The following CA5B variants were observed in gnomAD, a reference collection of about 807,000 sequenced individuals.
CA5B encodes carbonic anhydrase 5B.
In CA5B, 15 loss-of-function variants were observed where a neutral mutation model predicts 23.1. The observed-to-expected ratio is 0.65, with a 90% CI of 0.43 to 1.00. CA5B has a LOEUF of 1.00. CA5B is among the 50% of genes least tolerant of loss of function. The pLI is 0.00. For missense variants in CA5B, 236 were observed against 252.2 expected (o/e 0.94, Z 0.43); for synonymous variants, 84 against 98.5 (o/e 0.85, Z 0.87).
intron 2 of CA5B, among the ~76,000 whole-genome samples, chrX:15,761,974 A>G (rs973930566): frequency 8.9e-6 from 1 of 112,170 alleles, no homozygotes; most frequent in Non-Finnish European, 1.9e-5. Context: ...TGAGGTTAAG[A>G]TACTGACTTA....
intron 1 of CA5B, among the ~76,000 whole-genome samples, chrX:15,739,277 G>T (rs1931071705): frequency 9.0e-6 from 1 of 111,661 alleles, no homozygotes; most frequent in Non-Finnish European, 1.9e-5. Flanking sequence ...TCACTCTGCT[G>T]TTTAAAAGTC....
intron 1 of CA5B, among the ~76,000 whole-genome samples, chrX:15,740,165 T>C (rs1196782384): frequency 1.8e-5 from 2 of 111,788 alleles, no homozygotes; most frequent in Admixed American, 1.9e-4. Context: ...TATACATAAA[T>C]CATCAGTGAT....
chrX:15,746,061 G>A (rs1051026998), intron 1 of CA5B, among the ~76,000 whole-genome samples: 1 of 35,523 alleles, frequency 2.8e-5, no homozygotes, highest in African/African-American at 6.6e-5. Flanking sequence ...ACGGAGTCTC[G>A]CTCTGTCACT....
chrX:15,754,806 C>T (rs1204939172), intron 2 of CA5B, among the ~76,000 whole-genome samples: 1 of 112,106 alleles, frequency 8.9e-6, no homozygotes, highest in African/African-American at 3.2e-5. Context: ...TGTTGATGAT[C>T]TCCGTACTTG....
At position 15,750,222 on chromosome X, in the gene CA5B, T is replaced by G. The variant is rs778982825; in HGVS notation, c.142+57T>G. 5.0e-5 allele frequency: 46 copies of G among 926,742 alleles called. No homozygotes were observed. In the South Asian group the frequency reaches 1.1e-3, roughly 21 times the overall value. 76.4% of individuals were successfully genotyped at this position (926,742 alleles called of 1,213,427 possible). A position where few individuals can be genotyped will look rare whatever the true frequency, so the allele number is the denominator to read the frequency against. On this transcript the variant is annotated intron_variant, in intron 2 of 7. Coordinates refer to ENST00000318636, the MANE Select transcript of CA5B (RefSeq NM_007220.4). ...AAGGGCTCCAGCCTGAGTGACAGAG[T>G]GAAATCTCATCTCTTAGAAAAAAAG... is the stretch of plus-strand genomic sequence containing the variant.
At chrX:15,759,528 G>A (rs1380117884) in intron 2 of CA5B, among the ~76,000 whole-genome samples, 4 of 111,028 alleles carry the variant, frequency 3.6e-5, no homozygotes, top group Admixed American at 9.6e-5. Flanking sequence ...CCAGACTCCA[G>A]AACTGTGAGA....
At chrX:15,780,091 A>G (rs772350244) in intron 7 of CA5B, among the ~76,000 whole-genome samples, 1 of 111,501 alleles carries the variant, frequency 9.0e-6, no homozygotes, top group East Asian at 2.8e-4. Context: ...CTATAATATT[A>G]TCCTAGTTGC....
chrX:15,752,523 A>G, intron 2 of CA5B, among the ~76,000 whole-genome samples: 1 of 101,367 alleles, frequency 9.9e-6, no homozygotes, highest in East Asian at 3.7e-4. Context: ...CAGGAGATCA[A>G]GACTATCCTG....
intron 7 of CA5B, 55 bp from the exon 8 acceptor site, chrX:15,782,430 G>T (rs1375578963): frequency 3.6e-5 from 37 of 1,028,456 alleles, no homozygotes; most frequent in Non-Finnish European, 4.7e-5. Flanking sequence ...ATTTATTCAC[G>T]AGGTAAAGCG....
chrX:15,776,770 A>G lies in CA5B; in HGVS notation c.675A>G (p.Pro225=). Residue 225 remains proline (P), a synonymous_variant, in exon 7 of 8, where the codon CCA becomes CCG. Transcript: ENST00000318636. ...CTTCCTGCCTGATGCCTACCTGCCC[A>G]GATTACTGGACCTACTCAGGGTCTC... ...FDPSCLMPTC[P]DYWTYSGSLT... is the part of the protein sequence containing the mutation. The G allele has an allele frequency of 2.5e-6, 3 of 1,207,399 alleles. No homozygotes were observed. The highest frequency in any genetic ancestry group is 4.6e-4 in the Middle Eastern group (2 of 4,324).
chrX:15,759,267 A>G (rs1198689228), intron 2 of CA5B, among the ~76,000 whole-genome samples: 1 of 111,956 alleles, frequency 8.9e-6, no homozygotes, highest in Non-Finnish European at 1.9e-5. Flanking sequence ...CTGAATGTTC[A>G]TGACCCCCTA....
rs191865386 is a variant in CA5B at position 15,750,354 on chromosome X, G to T, written c.142+189G>T. 1,725 of 393,036 alleles carry T rather than the reference G, an allele frequency of 4.4e-3. 10 individuals are homozygous for T. Among genetic ancestry groups the T allele is most frequent in the Non-Finnish European group, 4.8e-3 (1,102 of 228,980 alleles). 32.4% of individuals were successfully genotyped at this position (393,036 alleles called of 1,213,427 possible). The stretch of plus-strand genomic sequence containing the variant: ...ATGCTGTCTTTGGCTTTCCAGTGTA[G>T]GATTATATGCCTTATGAACTGTGAG... On this transcript the variant is annotated intron_variant, in intron 2 of 7. Transcript: ENST00000318636.
At chrX:15,752,428 C>G (rs905309405) in intron 2 of CA5B, among the ~76,000 whole-genome samples, 2 of 112,146 alleles carry the variant, frequency 1.8e-5, no homozygotes, top group African/African-American at 6.5e-5. Flanking sequence ...AAATTTGTAT[C>G]TGTAAAGAAT....
chrX:15,764,215 C>T (rs139846742), intron 2 of CA5B, among the ~76,000 whole-genome samples: 18 of 110,416 alleles, frequency 1.6e-4, no homozygotes, highest in African/African-American at 5.9e-4. Context: ...TTAGCCCTGA[C>T]AGGTTCTCTA....
chrX:15,775,952 T>TGGAA, intron 6 of CA5B: 1 of 751,102 alleles, frequency 1.3e-6, no homozygotes, highest in Non-Finnish European at 1.6e-6. Flanking sequence ...CATTTTCCTG[T>TGGAA]TTTTCCCTCT....
At chrX:15,747,418 G>A (rs952361412) in intron 1 of CA5B, among the ~76,000 whole-genome samples, 2 of 110,147 alleles carry the variant, frequency 1.8e-5, no homozygotes, top group African/African-American at 6.6e-5. Context: ...GAGGAGATGA[G>A]ATCAAAGTGT....
At chrX:15,748,644 G>T (rs1322110946) in intron 1 of CA5B, among the ~76,000 whole-genome samples, 1 of 109,728 alleles carries the variant, frequency 9.1e-6, no homozygotes, top group Non-Finnish European at 1.9e-5. Flanking sequence ...ACTTTGCGAG[G>T]CCATTAAGCA....
chrX:15,782,857 A>G lies in CA5B; in HGVS notation c.*193A>G. On this transcript the variant is annotated 3_prime_UTR_variant, in exon 8 of 8. Transcript: ENST00000318636. ...CAAGAGACACAAGTTTCTCTTACAG[A>G]TACCTGTTGGTAATTGTAATGCCTT... The G allele has an allele frequency of 2.8e-6, 1 of 357,385 alleles. No individual in the cohort carries two copies. Among genetic ancestry groups the G allele is most frequent in the East Asian group, 4.6e-5 (1 of 21,967 alleles). 29.5% of individuals were successfully genotyped at this position (357,385 alleles called of 1,213,427 possible).
chrX:15,771,800 T>C lies in CA5B; in HGVS notation c.341-696T>C, dbSNP rs769506991. Reference sequence around the variant, plus strand: ...CCAGGTACAATGTAATCTTTTGATATATGTATGCATTGTGGAATGATTATA... The same window carrying C: ...CCAGGTACAATGTAATCTTTTGATACATGTATGCATTGTGGAATGATTATA... On this transcript the variant is annotated intron_variant, in intron 3 of 7. Coordinates refer to ENST00000318636, the MANE Select transcript of CA5B (RefSeq NM_007220.4). 4.5e-5 allele frequency among the ~76,000 whole-genome samples: 5 copies of C among 110,852 alleles called. No individual in the cohort carries two copies. In the South Asian group the frequency reaches 1.1e-3, roughly 25 times the overall value.
Sources: allele counts gnomAD v4.1 joint callset (sites outside exome capture counted in the v4.1 genomes callset), GRCh38; gene constraint gnomAD v4.1.1; transcripts MANE v1.5; gene names NCBI Gene and HGNC (gene_info 2026-07-23, HGNC 2026-07-21).